APLP2: variants seen among roughly 807,000 people sequenced by gnomAD.
APLP2 encodes the protein amyloid beta precursor like protein 2, also known as CDEI box-binding protein.
APLP2 carries 53 observed loss-of-function variants against 89.9 expected under a neutral mutation model. That is an observed-to-expected ratio of 0.59 (90% CI 0.47 to 0.74). APLP2 has a LOEUF of 0.74. Ranked by LOEUF, APLP2 falls within the 30% of genes least tolerant of loss-of-function variation. APLP2 has a pLI of 0.00. For missense variants in APLP2, 973 were observed against 975.9 expected, an observed-to-expected ratio of 1.00 and a Z score of 0.04; for synonymous variants, 372 against 348.6, an observed-to-expected ratio of 1.07 and a Z score of -0.75.
chr11:130,128,330 G>C (rs1450932576), intron 9 of APLP2, among the ~76,000 whole-genome samples: 2 of 152,164 alleles, frequency 1.3e-5, no homozygotes, highest in African/African-American at 4.8e-5. Context: ...GACTGATTTG[G>C]TTTTTACAAA....
At chr11:130,130,500 C>T (rs1431964707) in intron 11 of APLP2, among the ~76,000 whole-genome samples, 2 of 152,110 alleles carry the variant, frequency 1.3e-5, no homozygotes, top group African/African-American at 4.8e-5. Context: ...AAAAATTGGT[C>T]TCTTGTTTTG....
intron 1 of APLP2, among the ~76,000 whole-genome samples, chr11:130,093,609 A>G (rs1053339726): frequency 2.0e-5 from 3 of 152,252 alleles, no homozygotes; most frequent in African/African-American, 7.2e-5. Context: ...TAGCAGAAAC[A>G]CAGGACTGTG....
intron 1 of APLP2, among the ~76,000 whole-genome samples, chr11:130,095,946 C>G (rs1163362521): frequency 3.3e-5 from 5 of 151,080 alleles, no homozygotes; most frequent in African/African-American, 1.2e-4. Context: ...TGAGGCCTCT[C>G]CCCTTGACGA....
At chr11:130,120,850 G>A (rs369317148) in intron 4 of APLP2, 32 bp downstream of exon 4, 5 of 1,483,948 alleles carry the variant, frequency 3.4e-6, no homozygotes, top group Admixed American at 1.7e-5. Flanking sequence ...GTCAGCTGCT[G>A]TTGTATCTGT....
intron 1 of APLP2, chr11:130,100,342 T>C (rs2135675264): frequency 6.6e-6 from 1 of 152,266 alleles, no homozygotes; most frequent in South Asian, 2.1e-4. Flanking sequence ...TGGAAATAAG[T>C]TTCATGGACT....
At chr11:130,103,431 G>A (rs1238333702) in intron 1 of APLP2, among the ~76,000 whole-genome samples, 2 of 152,122 alleles carry the variant, frequency 1.3e-5, no homozygotes, top group East Asian at 3.9e-4. Context: ...CTGATGTGAG[G>A]ATCTGTTGGT....
chr11:130,131,517 C>T (rs1431654872), intron 11 of APLP2, among the ~76,000 whole-genome samples: 1 of 152,122 alleles, frequency 6.6e-6, no homozygotes, highest in East Asian at 1.9e-4. Context: ...GTTGGAGACC[C>T]TAAGGGGCAT....
chr11:130,083,857 A>T (rs1018581431), intron 1 of APLP2, among the ~76,000 whole-genome samples: 1 of 152,192 alleles, frequency 6.6e-6, no homozygotes, highest in African/African-American at 2.4e-5. Context: ...TGTGAGATTG[A>T]TAGATCATAT....
chr11:130,090,916 C>T (rs878914017), intron 1 of APLP2, among the ~76,000 whole-genome samples: 19 of 146,948 alleles, frequency 1.3e-4, no homozygotes, highest in Admixed American at 8.8e-4. Context: ...ATCTCCCTCC[C>T]GGACGGGGCG....
intron 1 of APLP2, 75 bp from the exon 2 acceptor site, chr11:130,109,354 C>G: frequency 7.5e-7 from 1 of 1,341,438 alleles, no homozygotes; most frequent in Non-Finnish European, 1.0e-6. Flanking sequence ...TGCATTCTGT[C>G]ACATAGACCT....
intron 1 of APLP2, chr11:130,102,094 C>T: frequency 2.8e-6 from 1 of 361,844 alleles, no homozygotes; most frequent in Non-Finnish European, 5.4e-6. Context: ...ATACTGAGAA[C>T]AGAATTTTTT....
rs539575630 is a variant in APLP2 at position 130,112,399 on chromosome 11, G to A, written c.403+1738G>A. On this transcript the variant is annotated intron_variant, in intron 3 of 16. Coordinates refer to ENST00000338167, the MANE Select transcript of APLP2 (RefSeq NM_001142276.2). ...GATGGTGTTCAGTCTGATTGCAGTT[G>A]GGGGAGATGTGCAGGGCCCACTGGG... 4.5e-4 allele frequency among the ~76,000 whole-genome samples: 68 copies of A among 152,316 alleles called. 3 individuals are homozygous for A. In the South Asian group the frequency reaches 0.013, roughly 30 times the overall value.
intron 3 of APLP2, among the ~76,000 whole-genome samples, chr11:130,118,334 A>G (rs1242316675): frequency 6.6e-6 from 1 of 152,216 alleles, no homozygotes; most frequent in Non-Finnish European, 1.5e-5. Context: ...TTTATTTTAA[A>G]CAACAAACCC....
chr11:130,083,067 A>G (rs1327182176), intron 1 of APLP2, among the ~76,000 whole-genome samples: 5 of 110,792 alleles, frequency 4.5e-5, no homozygotes, highest in Non-Finnish European at 8.1e-5. Context: ...ACACGGTCTC[A>G]CACTGTTGTC....
intron 1 of APLP2, among the ~76,000 whole-genome samples, chr11:130,071,912 TTTTG>T (rs1384383086): frequency 1.3e-5 from 2 of 152,246 alleles, no homozygotes; most frequent in East Asian, 1.9e-4. Context: ...TATAATTTGA[TTTTG>T]TTTATTTGCT....
intron 11 of APLP2, among the ~76,000 whole-genome samples, chr11:130,132,547 C>T (rs1009216295): frequency 6.6e-5 from 10 of 151,722 alleles, no homozygotes; most frequent in African/African-American, 1.9e-4. Context: ...GATGCTAGCC[C>T]GTCACCTTTC....
At position 130,135,633 on chromosome 11, in the gene APLP2, C is replaced by T. The variant is rs144933897; in HGVS notation, c.1755C>T (p.Asp585=). 1.8e-4 allele frequency: 295 copies of T among 1,614,170 alleles called. No homozygotes were observed. The African/African-American group carries it at 3.3e-3, about 18-fold the overall frequency. ...FTASISETPV[D]VRVSSEESEE... is the part of the protein sequence containing the mutation. ...CCTCAATCTCAGAGACCCCTGTGGA[C>T]GTCCGGGTGAGCTCTGAGGAGAGTG... The change falls in exon 13 of 17, where the codon GAC becomes GAT. Residue 585 remains aspartate, a synonymous_variant. Coordinates refer to ENST00000338167, the MANE Select transcript of APLP2 (RefSeq NM_001142276.2).
Position 130,070,724 on chromosome 11 carries a change from G to A in APLP2, c.105+642G>A, listed in dbSNP as rs559295487. The A allele has an allele frequency of 1.3e-5, 19 of 1,467,656 alleles. No individual in the cohort carries two copies. The East Asian group carries it at 4.2e-4, about 32-fold the overall frequency. 90.9% of individuals were successfully genotyped at this position (1,467,656 alleles called of 1,614,324 possible). A position where few individuals can be genotyped will look rare whatever the true frequency, so the allele number is the denominator to read the frequency against. On this transcript the variant is annotated intron_variant, in intron 1 of 16. Transcript: ENST00000338167. ...TAAGTGGCGCTGTTTGCCTGCGTCC[G>A]TAGACCGAGGAAACCCGCTCTGGGT...
At chr11:130,116,010 G>T (rs934432302) in intron 3 of APLP2, among the ~76,000 whole-genome samples, 5 of 152,144 alleles carry the variant, frequency 3.3e-5, no homozygotes, top group African/African-American at 2.4e-5. Context: ...GATACACATG[G>T]AAATGTATAT....
Sources: gnomAD v4.1 joint callset for allele counts (sites outside exome capture counted in the v4.1 genomes callset) on GRCh38, gnomAD v4.1.1 for gene constraint, MANE v1.5 for transcripts, NCBI Gene and HGNC (gene_info 2026-07-23, HGNC 2026-07-21) for gene names.